Variants in PDZD2 observed in about 807,000 individuals in gnomAD.
PDZD2 encodes the protein PDZ domain containing 2.
In PDZD2, 90 loss-of-function variants were observed where a neutral mutation model predicts 220.7. The observed-to-expected ratio is 0.41, with a 90% CI of 0.34 to 0.49. The LOEUF is 0.49. Ranked by LOEUF, PDZD2 falls within the 20% of genes least tolerant of loss-of-function variation. The pLI is 0.28. For missense variants in PDZD2, 3,174 were observed against 3,608.5 expected (o/e 0.88, Z 3.08); for synonymous variants, 1,375 against 1,450.5 (o/e 0.95, Z 1.18).
chr5:31,740,568 G>C (rs548165569), intron 1 of PDZD2, among the ~76,000 whole-genome samples: 24 of 127,318 alleles, frequency 1.9e-4, no homozygotes, highest in African/African-American at 5.5e-4. Flanking sequence ...ATCTGCTGTT[G>C]TCTGCAGCTG....
intron 5 of PDZD2, among the ~76,000 whole-genome samples, chr5:32,009,759 G>A (rs1273899719): frequency 2.6e-5 from 4 of 151,712 alleles, no homozygotes. Flanking sequence ...GTTTTATAAA[G>A]GGATCTTAAA....
intron 2 of PDZD2, among the ~76,000 whole-genome samples, chr5:31,909,392 C>A (rs1376918701): frequency 6.6e-6 from 1 of 152,020 alleles, no homozygotes; most frequent in Non-Finnish European, 1.5e-5. Context: ...CATTTAAACT[C>A]AACAAATCTA....
At chr5:31,859,180 C>G (rs1737444072) in intron 2 of PDZD2, among the ~76,000 whole-genome samples, 1 of 152,146 alleles carries the variant, frequency 6.6e-6, no homozygotes, top group Admixed American at 6.5e-5. Flanking sequence ...CTCCCCCAAA[C>G]TATCCTTAAA....
intron 1 of PDZD2, chr5:31,665,024 A>G (rs757232352): frequency 6.6e-6 from 1 of 152,320 alleles, no homozygotes; most frequent in Non-Finnish European, 1.5e-5. Flanking sequence ...CAAGGAGTCT[A>G]CACTATGAAG....
intron 1 of PDZD2, among the ~76,000 whole-genome samples, chr5:31,656,092 C>T (rs1745538433): frequency 6.6e-6 from 1 of 152,148 alleles, no homozygotes. Context: ...TTGTTAATTT[C>T]CCAGTTGAGC....
chr5:32,019,898 A>T (rs1349592756), intron 6 of PDZD2, among the ~76,000 whole-genome samples: 2 of 152,094 alleles, frequency 1.3e-5, no homozygotes, highest in East Asian at 3.9e-4. Flanking sequence ...GCATTTCATT[A>T]GTGTTCCAAG....
At chr5:32,011,027 A>AAG (rs1753274331) in intron 6 of PDZD2, among the ~76,000 whole-genome samples, 1 of 125,510 alleles carries the variant, frequency 8.0e-6, no homozygotes, top group Admixed American at 8.1e-5. Context: ...AAAAAACAAC[A>AAG]ACAACAACAA....
chr5:31,922,612 AC>A (rs1561087205), intron 2 of PDZD2, among the ~76,000 whole-genome samples: 2 of 152,094 alleles, frequency 1.3e-5, no homozygotes, highest in Admixed American at 6.5e-5. Context: ...TTGATTAGCC[AC>A]GGTAACTACT....
chr5:31,964,308 C>T (rs779192468), intron 2 of PDZD2, among the ~76,000 whole-genome samples: 2 of 152,116 alleles, frequency 1.3e-5, no homozygotes, highest in East Asian at 3.8e-4. Context: ...ATTGAAGCCT[C>T]CTGTAGGTAG....
At position 31,646,426 on chromosome 5, in the gene PDZD2, G is replaced by T. The variant is rs1380633800; in HGVS notation, c.-361+6989G>T. Reference sequence around the variant, plus strand: ...CTAAGTAGCTCCTGACACTGCTTATGTTTGCTTGCAGGTGATCAAATGGAA... The same window carrying T: ...CTAAGTAGCTCCTGACACTGCTTATTTTTGCTTGCAGGTGATCAAATGGAA... On this transcript the variant is annotated intron_variant, in intron 1 of 24. Coordinates refer to ENST00000438447, the MANE Select transcript of PDZD2 (RefSeq NM_178140.4). This position sits in a 1 kb window ranked among gnomAD's most constrained non-coding sequence, Gnocchi z 4.7. 2.0e-5 allele frequency among the ~76,000 whole-genome samples: 3 copies of T among 152,124 alleles called. No homozygotes were observed. Among genetic ancestry groups the T allele is most frequent in the Non-Finnish European group, 2.9e-5 (2 of 68,020 alleles).
intron 14 of PDZD2, among the ~76,000 whole-genome samples, chr5:32,062,689 C>T (rs1039571203): frequency 6.6e-6 from 1 of 152,150 alleles, no homozygotes; most frequent in Non-Finnish European, 1.5e-5. Flanking sequence ...CCACCGTGCC[C>T]GGCCAAGACT....
intron 2 of PDZD2, among the ~76,000 whole-genome samples, chr5:31,809,213 C>A (rs75551936): frequency 0.01 from 1,552 of 152,260 alleles, 13 homozygotes; most frequent in Non-Finnish European, 0.014. Context: ...GGAGTGCCAT[C>A]TGACAAGCTG....
At chr5:31,922,503 C>T (rs922437542) in intron 2 of PDZD2, among the ~76,000 whole-genome samples, 4 of 151,792 alleles carry the variant, frequency 2.6e-5, no homozygotes, top group African/African-American at 9.7e-5. Flanking sequence ...GAAATTACAC[C>T]CTGAATGCAG....
At chr5:32,024,698 GAAAAA>G (rs5867124) in intron 6 of PDZD2, among the ~76,000 whole-genome samples, 10 of 141,302 alleles carry the variant, frequency 7.1e-5, no homozygotes, top group South Asian at 2.2e-4. Context: ...AAAAAAGAAA[GAAAAA>G]AAAGAAAAGG....
At chr5:32,100,930 C>G (rs1218967719) in intron 23 of PDZD2, 175 bp from the exon 24 acceptor site, 1 of 1,596,950 alleles carries the variant, frequency 6.3e-7, no homozygotes, top group East Asian at 2.2e-5. Flanking sequence ...AATTGGGAGG[C>G]CAACAGTGCT....
chr5:31,986,138 A>G (rs1750701693), intron 3 of PDZD2, among the ~76,000 whole-genome samples: 1 of 151,672 alleles, frequency 6.6e-6, no homozygotes, highest in Non-Finnish European at 1.5e-5. Flanking sequence ...TACACATATC[A>G]CAGTTCCTTT....
intron 2 of PDZD2, among the ~76,000 whole-genome samples, chr5:31,875,036 T>C (rs973361926): frequency 6.6e-6 from 1 of 152,232 alleles, no homozygotes; most frequent in African/African-American, 2.4e-5. Context: ...ATGTGTATTT[T>C]AGTTGACATA....
chr5:32,030,958 TCTTCC>T (rs1310000880), intron 6 of PDZD2, among the ~76,000 whole-genome samples: 1 of 152,216 alleles, frequency 6.6e-6, no homozygotes, highest in East Asian at 1.9e-4. Context: ...TTCTTCTCGG[TCTTCC>T]CTGCAGTTTT....
chr5:31,879,181 A>C (rs1281635093), intron 2 of PDZD2, among the ~76,000 whole-genome samples: 2 of 151,754 alleles, frequency 1.3e-5, no homozygotes, highest in African/African-American at 2.4e-5. Context: ...AGGTCAAGAG[A>C]TCGAGACCAT....
Sources: gnomAD v4.1 joint callset for allele counts (sites outside exome capture counted in the v4.1 genomes callset) on GRCh38, gnomAD v4.1.1 for gene constraint, Gnocchi (gnomAD v3.1) non-coding constraint, MANE v1.5 for transcripts, NCBI Gene and HGNC (gene_info 2026-07-23, HGNC 2026-07-21) for gene names.